The following ADAMTS9 variants were observed in gnomAD, a reference collection of about 807,000 sequenced individuals.
ADAMTS9 encodes the protein ADAM metallopeptidase with thrombospondin type 1 motif 9, also known as A disintegrin and metalloproteinase with thrombospondin motifs 9.
In ADAMTS9, 107 loss-of-function variants were observed where a neutral mutation model predicts 257.1. The observed-to-expected ratio is 0.42, with a 90% CI of 0.36 to 0.49. ADAMTS9 has a LOEUF of 0.49. ADAMTS9 is among the 20% of genes least tolerant of loss of function. ADAMTS9 has a pLI of 0.03. For synonymous variants in ADAMTS9, 982 were observed against 880.9 expected (o/e 1.11, Z -2.03); for missense variants, 2,353 against 2,469.1 (o/e 0.95, Z 1.00).
chr3:64,620,378 C>G (rs907665652), intron 19 of ADAMTS9, among the ~76,000 whole-genome samples: 1 of 152,066 alleles, frequency 6.6e-6, no homozygotes, highest in African/African-American at 2.4e-5. Context: ...ATGGTGAGAC[C>G]TTAACACATT....
At chr3:64,563,604 C>T (rs145202010) in intron 29 of ADAMTS9, among the ~76,000 whole-genome samples, 22 of 152,262 alleles carry the variant, frequency 1.4e-4, no homozygotes, top group African/African-American at 4.6e-4. Flanking sequence ...AACGAAGGCA[C>T]GGTACTAAGA....
chr3:64,602,748 C>G (rs567279777), intron 25 of ADAMTS9, among the ~76,000 whole-genome samples: 1 of 152,308 alleles, frequency 6.6e-6, no homozygotes, highest in African/African-American at 2.4e-5. Flanking sequence ...ACCACCCTCT[C>G]TAAAAGCACA....
At chr3:64,628,560 GT>G (rs1700285087) in intron 16 of ADAMTS9, among the ~76,000 whole-genome samples, 1 of 151,898 alleles carries the variant, frequency 6.6e-6, no homozygotes, top group Admixed American at 6.6e-5. Flanking sequence ...TTCTGCAGCT[GT>G]GCAAGGAGAA....
rs750459819 is a variant in ADAMTS9 at position 64,633,624 on chromosome 3, A to C, written c.2039-16T>G. 7 of 1,614,052 alleles carry C rather than the reference A, an allele frequency of 4.3e-6. No individual in the cohort carries two copies. The East Asian group carries it at 1.6e-4, about 36-fold the overall frequency. On this transcript the variant is annotated splice_polypyrimidine_tract_variant and intron_variant, in intron 13 of 39. Coordinates refer to ENST00000498707, the MANE Select transcript of ADAMTS9 (RefSeq NM_182920.2). Reference sequence around the variant, plus strand: ...TTCATCAGAACTAGAGAGGAGAAACAATACAACTTGACTTTTGTGCCTGGC... The same window carrying C: ...TTCATCAGAACTAGAGAGGAGAAACCATACAACTTGACTTTTGTGCCTGGC...
At chr3:64,535,513 T>C (rs975163381) in intron 37 of ADAMTS9, among the ~76,000 whole-genome samples, 2 of 151,914 alleles carry the variant, frequency 1.3e-5, no homozygotes, top group Admixed American at 6.6e-5. Flanking sequence ...ATTCTGTATG[T>C]TGCATTATTC....
At chr3:64,676,652 GC>G (rs151186607) in intron 3 of ADAMTS9, among the ~76,000 whole-genome samples, 3,037 of 152,208 alleles carry the variant, frequency 0.02, 96 homozygotes, top group African/African-American at 0.07. Flanking sequence ...TTATATGCCT[GC>G]CCCATAATGT....
intron 28 of ADAMTS9, chr3:64,587,516 A>G (rs2106771024): frequency 6.6e-6 from 1 of 152,318 alleles, no homozygotes; most frequent in African/African-American, 2.4e-5. Context: ...AGTGCTCAGT[A>G]TTAACCACAT....
In ADAMTS9 at chr3:64,686,648, C is replaced by T. The variant is rs1701915488; in HGVS notation, c.436G>A (p.Glu146Lys). The change falls in exon 2 of 40, where the codon GAA (glutamate) becomes AAA (lysine). Residue 146 changes from glutamate (E) to lysine (K), a missense_variant. Glu to Lys is a moderately conservative substitution (Grantham distance 56). Transcript: ENST00000498707. The surrounding 1 kb of genome is among the most constrained non-coding windows in gnomAD (Gnocchi z 4.6). Reference sequence around the variant, plus strand: ...CCTTTGTAGAAACAGTGCTTGAGTTCCGCTTCCTCTTCGGAATAAAACTTG... The same window carrying T: ...CCTTTGTAGAAACAGTGCTTGAGTTTCGCTTCCTCTTCGGAATAAAACTTG... ...QTKFYSEEEA[E>K]LKHCFYKGYV... 1 of 1,614,130 alleles carries T rather than the reference C, an allele frequency of 6.2e-7. No homozygotes were observed. The highest frequency in any genetic ancestry group is 8.5e-7 in the Non-Finnish European group (1 of 1,180,016).
At chr3:64,588,043 A>G (rs1203083745) in intron 28 of ADAMTS9, 2 of 152,146 alleles carry the variant, frequency 1.3e-5, no homozygotes, top group African/African-American at 2.4e-5. Flanking sequence ...TTGGAAGCAT[A>G]TTCTCCAATA....
chr3:64,628,009 C>T (rs185882816), intron 16 of ADAMTS9, among the ~76,000 whole-genome samples: 3 of 152,228 alleles, frequency 2.0e-5, no homozygotes, highest in African/African-American at 4.8e-5. Context: ...GAGTAACCAC[C>T]GTGAGGTTCA....
chr3:64,590,397 T>G (rs2084239194), intron 28 of ADAMTS9, among the ~76,000 whole-genome samples: 1 of 152,212 alleles, frequency 6.6e-6, no homozygotes, highest in Non-Finnish European at 1.5e-5. Context: ...TACTTGCCTT[T>G]ACAGTCTGCT....
chr3:64,596,280 C>A, intron 27 of ADAMTS9, among the ~76,000 whole-genome samples: 1 of 152,314 alleles, frequency 6.6e-6, no homozygotes, highest in East Asian at 1.9e-4. Context: ...CAGTTGTCCC[C>A]TATCAGTCGT....
chr3:64,556,900 G>T (rs1027299509), intron 30 of ADAMTS9, among the ~76,000 whole-genome samples: 3 of 150,960 alleles, frequency 2.0e-5, no homozygotes, highest in Non-Finnish European at 4.4e-5. Context: ...CATTTAACAG[G>T]TATCTTTGAT....
chr3:64,543,699 A>G (rs1197839078), intron 32 of ADAMTS9, among the ~76,000 whole-genome samples: 1 of 152,214 alleles, frequency 6.6e-6, no homozygotes, highest in Non-Finnish European at 1.5e-5. Context: ...TCCCTTTGAA[A>G]ATTGGCACAA....
chr3:64,656,980 C>A (rs1381431064), intron 4 of ADAMTS9, among the ~76,000 whole-genome samples: 1 of 151,974 alleles, frequency 6.6e-6, no homozygotes, highest in Non-Finnish European at 1.5e-5. Context: ...AGTTATGCTA[C>A]GGCTGAAAAT....
At chr3:64,536,404 C>T (rs892821316) in intron 37 of ADAMTS9, among the ~76,000 whole-genome samples, 2 of 152,170 alleles carry the variant, frequency 1.3e-5, no homozygotes, top group African/African-American at 2.4e-5. Flanking sequence ...GTTGCCTATT[C>T]TAAAGAAGAG....
chr3:64,674,412 C>T lies in ADAMTS9; in HGVS notation c.679+6789G>A, dbSNP rs545712306. 1.4e-4 allele frequency among the ~76,000 whole-genome samples: 21 copies of T among 152,284 alleles called. No homozygotes were observed. The South Asian group carries it at 4.4e-3, about 32-fold the overall frequency. The stretch of plus-strand genomic sequence containing the variant: ...TCTTGAGTTGCAGTGCCAGCTTTTT[C>T]CCTTTCTGCAAGCTGTGGACAAGTT... On this transcript the variant is annotated intron_variant, in intron 3 of 39. Transcript: ENST00000498707.
rs113253449 is a variant in ADAMTS9 at position 64,517,746 on chromosome 3, T to G, written c.*6-625A>C. On this transcript the variant is annotated intron_variant, in intron 39 of 39. Coordinates refer to ENST00000498707, the MANE Select transcript of ADAMTS9 (RefSeq NM_182920.2). ...AAATATATGTTTATATATGTAAATA[T>G]TGTATATACGTGCTATATAAAATTT... 4.5e-3 allele frequency among the ~76,000 whole-genome samples: 680 copies of G among 152,194 alleles called. 2 individuals are homozygous for G. The highest frequency in any genetic ancestry group is 0.015 in the African/African-American group (635 of 41,522).
rs184146673 is a variant in ADAMTS9, at chr3:64,564,450, C to T, written c.4525-2699G>A. Among the ~76,000 whole-genome samples, 10 of 152,172 alleles carry T rather than the reference C, an allele frequency of 6.6e-5. No homozygotes were observed. The East Asian group carries it at 1.4e-3, about 21-fold the overall frequency. ...AATTATGGTGATGACATTAAAGCAG[C>T]GATTAGTTTGAAAAACAACTATATA... On this transcript the variant is annotated intron_variant, in intron 29 of 39. Transcript: ENST00000498707.
Sources: gnomAD v4.1 joint callset for allele counts (sites outside exome capture counted in the v4.1 genomes callset) on GRCh38, gnomAD v4.1.1 for gene constraint, Gnocchi (gnomAD v3.1) non-coding constraint, MANE v1.5 for transcripts, NCBI Gene and HGNC (gene_info 2026-07-23, HGNC 2026-07-21) for gene names.